HSD17B3: variants seen among roughly 807,000 people sequenced by gnomAD.
HSD17B3 encodes the protein 17-beta-hydroxysteroid dehydrogenase type 3.
A neutral mutation model predicts 41.1 loss-of-function variants in HSD17B3; 29 were observed. The observed-to-expected ratio is 0.71, with a 90% CI of 0.53 to 0.96. The LOEUF is 0.96. HSD17B3 is among the 40% of genes least tolerant of loss of function. The pLI is 0.00. For missense variants in HSD17B3, 323 were observed against 374.6 expected (o/e 0.86, Z 1.14); for synonymous variants, 126 against 145.6 (o/e 0.87, Z 0.97).
intron 5 of HSD17B3, chr9:96,250,138 G>A (rs751759875): frequency 2.3e-5 from 29 of 1,260,242 alleles, no homozygotes; most frequent in Non-Finnish European, 2.8e-5. Flanking sequence ...GAGTCCAGGA[G>A]AACAGAAAGA....
chr9:96,297,349 T>C (rs1157739994), intron 2 of HSD17B3, among the ~76,000 whole-genome samples: 4 of 145,402 alleles, frequency 2.8e-5, no homozygotes, highest in African/African-American at 1.0e-4. Context: ...TTCTTTTTTT[T>C]TTTTTTTTTT....
At chr9:96,235,842 G>A (rs1272099157) in intron 10 of HSD17B3, among the ~76,000 whole-genome samples, 1 of 152,038 alleles carries the variant, frequency 6.6e-6, no homozygotes, top group Non-Finnish European at 1.5e-5. Context: ...GTCTTGCTCT[G>A]TCACCCAGGC....
At chr9:96,293,079 T>C (rs566873270) in intron 2 of HSD17B3, among the ~76,000 whole-genome samples, 27 of 152,254 alleles carry the variant, frequency 1.8e-4, no homozygotes, top group African/African-American at 5.3e-4. Flanking sequence ...TAAAAAGGAA[T>C]CTTGGGACAT....
chr9:96,295,537 G>GT (rs1030197882), intron 2 of HSD17B3, among the ~76,000 whole-genome samples: 1 of 151,666 alleles, frequency 6.6e-6, no homozygotes, highest in African/African-American at 2.4e-5. Flanking sequence ...GTTTCACCAT[G>GT]TTGGCCAGGC....
intron 9 of HSD17B3, among the ~76,000 whole-genome samples, chr9:96,243,614 A>G (rs984644858): frequency 6.6e-6 from 1 of 152,248 alleles, no homozygotes; most frequent in African/African-American, 2.4e-5. Flanking sequence ...ATAACAAAAC[A>G]AAACAAAAAC....
At chr9:96,242,949 G>A (rs2130709462) in intron 9 of HSD17B3, among the ~76,000 whole-genome samples, 2 of 152,288 alleles carry the variant, frequency 1.3e-5, no homozygotes, top group East Asian at 3.9e-4. Context: ...AGCAGAGTTG[G>A]CCAGTGATTT....
At position 96,271,732 on chromosome 9, in the gene HSD17B3, T is replaced by TTTG. The variant is rs201039147; in HGVS notation, c.202-16792_202-16790dup. Among the ~76,000 whole-genome samples the TTTG allele has an allele frequency of 6.9e-4, 105 of 152,252 alleles. No homozygotes were observed. In the East Asian group the frequency reaches 0.01, roughly 15 times the overall value. ...GAAGTCTCTAGACATTATTGGGTTT[T>TTTG]TTGTTGTTGTTGTTGTTGTTACAGT... On this transcript the variant is annotated intron_variant, in intron 2 of 10. Coordinates refer to ENST00000375263, the MANE Select transcript of HSD17B3 (RefSeq NM_000197.2).
chr9:96,256,927 T>C (rs1470117920), intron 2 of HSD17B3, among the ~76,000 whole-genome samples: 1 of 152,060 alleles, frequency 6.6e-6, no homozygotes, highest in African/African-American at 2.4e-5. Context: ...CCATTTCTTA[T>C]GGATTAACAC....
chr9:96,249,160 C>T (rs1382215367), intron 6 of HSD17B3, among the ~76,000 whole-genome samples: 3 of 152,204 alleles, frequency 2.0e-5, no homozygotes, highest in Non-Finnish European at 4.4e-5. Context: ...ACCTCGGCCT[C>T]CCAAAGTGCT....
chr9:96,274,702 G>T (rs1348440729), intron 2 of HSD17B3, among the ~76,000 whole-genome samples: 1 of 152,000 alleles, frequency 6.6e-6, no homozygotes, highest in Non-Finnish European at 1.5e-5. Flanking sequence ...TCCAGTCAGA[G>T]ACAAAGAAGA....
chr9:96,281,134 G>C (rs1826675285), intron 2 of HSD17B3, among the ~76,000 whole-genome samples: 1 of 152,048 alleles, frequency 6.6e-6, no homozygotes, highest in Non-Finnish European at 1.5e-5. Context: ...CTTGGGGTCT[G>C]GATCAGGACC....
chr9:96,302,135 G>GCCGT lies in HSD17B3; in HGVS notation c.-35_-32dup. The stretch of plus-strand genomic sequence containing the variant: ...CACTCAACAGACTGTTTCAGCCCTG[G>GCCGT]CCGTGGCTCTCTGTGTATGCCTCCT... On this transcript the variant is annotated 5_prime_UTR_variant, in exon 1 of 11. Coordinates refer to ENST00000375263, the MANE Select transcript of HSD17B3 (RefSeq NM_000197.2). 6.2e-7 allele frequency: 1 copy of GCCGT among 1,611,186 alleles called. No homozygotes were observed. Among genetic ancestry groups the GCCGT allele is most frequent in the Non-Finnish European group, 8.5e-7 (1 of 1,178,532 alleles).
Position 96,286,176 on chromosome 9 carries a change from T to G in HSD17B3, c.201+12240A>C, listed in dbSNP as rs8190521. On this transcript the variant is annotated intron_variant, in intron 2 of 10. Transcript: ENST00000375263. Reference sequence around the variant, plus strand: ...CTGGCCAACATGACAAAACTCCATCTCTACTAAAACTACAAAAATTAGCCA... The same window carrying G: ...CTGGCCAACATGACAAAACTCCATCGCTACTAAAACTACAAAAATTAGCCA... 3.5e-3 allele frequency among the ~76,000 whole-genome samples: 536 copies of G among 152,210 alleles called. 6 individuals carry two copies. The highest frequency in any genetic ancestry group is 0.012 in the African/African-American group (501 of 41,540).
In HSD17B3 at chr9:96,302,121, C is replaced by G. The variant is rs373446255; in HGVS notation, c.-17G>C. ...GTCCCCCATGGCTGCACTCAACAGA[C>G]TGTTTCAGCCCTGGCCGTGGCTCTC... On this transcript the variant is annotated 5_prime_UTR_variant, in exon 1 of 11. Transcript: ENST00000375263. 1.9e-5 allele frequency: 30 copies of G among 1,613,540 alleles called. 1 individual carries two copies. The highest frequency in any genetic ancestry group is 2.0e-5 in the Non-Finnish European group (24 of 1,179,806).
chr9:96,288,140 T>C (rs1826997872), intron 2 of HSD17B3, among the ~76,000 whole-genome samples: 1 of 152,218 alleles, frequency 6.6e-6, no homozygotes, highest in Non-Finnish European at 1.5e-5. Context: ...GCAGGATTAA[T>C]AGCAACCAGG....
chr9:96,299,350 G>A (rs1029321613), intron 1 of HSD17B3, among the ~76,000 whole-genome samples: 6 of 152,160 alleles, frequency 3.9e-5, no homozygotes, highest in African/African-American at 1.2e-4. Flanking sequence ...CTAATGATGT[G>A]TCTGTTCGTT....
chr9:96,246,446 T>C, intron 7 of HSD17B3, 110 bp downstream of exon 7: 1 of 928,424 alleles, frequency 1.1e-6, no homozygotes, highest in African/African-American at 1.6e-5. Context: ...ATAGCTGTTA[T>C]CGTTTGTTAA....
At chr9:96,270,994 A>G (rs1376657591) in intron 2 of HSD17B3, among the ~76,000 whole-genome samples, 1 of 151,954 alleles carries the variant, frequency 6.6e-6, no homozygotes, top group Admixed American at 6.6e-5. Flanking sequence ...AAAGGAAACA[A>G]TTTGGCAATG....
At chr9:96,274,627 T>C (rs1826380431) in intron 2 of HSD17B3, among the ~76,000 whole-genome samples, 1 of 152,074 alleles carries the variant, frequency 6.6e-6, no homozygotes, top group Non-Finnish European at 1.5e-5. Context: ...TAGAAAGCCT[T>C]AACAGCAGAC....
Sources: allele counts gnomAD v4.1 joint callset (sites outside exome capture counted in the v4.1 genomes callset), GRCh38; gene constraint gnomAD v4.1.1; transcripts MANE v1.5; gene names NCBI Gene and HGNC (gene_info 2026-07-23, HGNC 2026-07-21).